MRPL23: variants seen among roughly 807,000 people sequenced by gnomAD.
The protein encoded by MRPL23 is mitochondrial ribosomal protein L23.
For missense variants in MRPL23, 25 were observed against 81.3 expected, an observed-to-expected ratio of 0.31 and a Z score of 2.66; for synonymous variants, 12 against 34.8, an observed-to-expected ratio of 0.35 and a Z score of 2.30.
chr11:1,981,790 A>G (rs2668848), intron 5 of MRPL23, among the ~76,000 whole-genome samples: 57,196 of 134,628 alleles, frequency 0.42, 16,526 homozygotes, highest in Non-Finnish European at 0.56. Flanking sequence ...CCTCTGCTCC[A>G]CTATGTTTAA....
downstream of MRPL23, among the ~76,000 whole-genome samples, chr11:1,988,992 C>T (rs564042257): frequency 1.8e-4 from 25 of 141,510 alleles, 2 homozygotes; most frequent in East Asian, 1.7e-3. Flanking sequence ...AGACAGTCCC[C>T]AGCCCCTGGC....
At chr11:1,989,116 G>A (rs765236207), downstream of MRPL23, among the ~76,000 whole-genome samples, 13 of 135,040 alleles carry the variant, frequency 9.6e-5, no homozygotes, top group Non-Finnish European at 1.4e-4. Context: ...CCAACAGGCC[G>A]GTGTGTCGTG....
In MRPL23 at chr11:1,950,695, G is replaced by T. The variant is rs217201; in HGVS notation, c.18-204G>T. 7.8e-4 allele frequency among the ~76,000 whole-genome samples: 16 copies of T among 20,450 alleles called. 1 individual carries two copies. The highest frequency in any genetic ancestry group is 8.9e-4 in the Admixed American group (1 of 1,120). The allele number at this position is 20,450 out of a possible 152,430, so 13.4% of individuals were successfully genotyped here. ...CCCTGTTTCCCGCCCACCACTGTTG[G>T]GAGTGGACACGCGGGGGTCTGCAGG... On this transcript the variant is annotated intron_variant, in intron 1 of 4. Coordinates refer to ENST00000397298, the MANE Select transcript of MRPL23 (RefSeq NM_021134.4).
At chr11:1,991,630 T>A in the MRPL23 span, among the ~76,000 whole-genome samples, 2 of 137,430 alleles carry the variant, frequency 1.5e-5, no homozygotes, top group Non-Finnish European at 3.3e-5. Context: ...GCTGGGCCAC[T>A]GGGGGAGACC....
downstream of MRPL23, among the ~76,000 whole-genome samples, chr11:1,989,221 G>C (rs59243387): frequency 1.2e-4 from 10 of 86,888 alleles, no homozygotes; most frequent in African/African-American, 2.3e-4. Flanking sequence ...TCCCAGCCCC[G>C]GGTCTCCAGC....
chr11:1,994,431 GC>G, the MRPL23 span, among the ~76,000 whole-genome samples: 2 of 93,616 alleles, frequency 2.1e-5, 1 homozygote, highest in Non-Finnish European at 5.8e-5. Context: ...CGGGGAGGGA[GC>G]CCGGGAGCCC....
rs1856780605 is a variant in MRPL23 at position 1,983,843 on chromosome 11, G to T, written c.498-595G>T. 1.4e-5 allele frequency: 2 copies of T among 140,680 alleles called. 1 individual carries two copies. 8.7% of individuals were successfully genotyped at this position (140,680 alleles called of 1,614,324 possible). Reference sequence around the variant, plus strand: ...CCCAGCTCGGCAGCCCTCTGCTGAGGCAATGTCCTCTTGGAGCAAAAAACA... The same window carrying T: ...CCCAGCTCGGCAGCCCTCTGCTGAGTCAATGTCCTCTTGGAGCAAAAAACA... On this transcript the variant is annotated intron_variant, in intron 5 of 5. Coordinates refer to the MRPL23 transcript ENST00000397297.
chr11:1,991,260 G>A, the MRPL23 span: 1 of 3,520 alleles, frequency 2.8e-4, no homozygotes, highest in African/African-American at 6.9e-4. Flanking sequence ...CGGCCTGCAG[G>A]TGGGCTTCCA....
chr11:1,963,480 GGCCCTCCAC>G (rs1283954383), downstream of MRPL23, among the ~76,000 whole-genome samples: 1 of 63,020 alleles, frequency 1.6e-5, no homozygotes, highest in African/African-American at 5.6e-5. Context: ...GCACGGCAGA[GGCCCTCCAC>G]GCAGCGTCAG....
downstream of MRPL23, among the ~76,000 whole-genome samples, chr11:1,966,794 G>T: frequency 1.2e-5 from 1 of 83,268 alleles, no homozygotes; most frequent in Admixed American, 1.6e-4. Flanking sequence ...GCTGGCCTGG[G>T]ATGGGACCTC....
chr11:1,984,269 CG>C (rs1352987628), intron 5 of MRPL23: 1 of 8,238 alleles, frequency 1.2e-4, no homozygotes, highest in African/African-American at 3.4e-4. Context: ...CCGCCTGACG[CG>C]GAAGTGGGCA....
the MRPL23 span, among the ~76,000 whole-genome samples, chr11:1,992,548 G>T: frequency 1.3e-4 from 6 of 45,746 alleles, 1 homozygote; most frequent in Admixed American, 1.3e-3. Context: ...TCCCTGAACG[G>T]TGGAAGTTCC....
intron 5 of MRPL23, chr11:1,983,596 G>A (rs1296609849): frequency 7.8e-6 from 1 of 127,866 alleles, no homozygotes; most frequent in Non-Finnish European, 1.7e-5. Context: ...GGTATCTGGG[G>A]GTGGTGAGGG....
the MRPL23 span, among the ~76,000 whole-genome samples, chr11:1,991,585 CACA>C: frequency 2.3e-5 from 3 of 130,108 alleles, no homozygotes; most frequent in African/African-American, 7.6e-5. Context: ...CACACACACA[CACA>C]CCCGTGCACA....
At chr11:1,994,301 G>T in the MRPL23 span, among the ~76,000 whole-genome samples, 1 of 98,068 alleles carries the variant, frequency 1.0e-5, no homozygotes, top group African/African-American at 2.7e-5. Context: ...CTGGCTGAGG[G>T]AGCTGCCGGC....
chr11:1,994,540 T>C, the MRPL23 span, among the ~76,000 whole-genome samples: 1 of 96,702 alleles, frequency 1.0e-5, no homozygotes, highest in African/African-American at 2.7e-5. Flanking sequence ...TTAGGACCTC[T>C]GCCCCAAGGC....
chr11:1,979,250 G>C (rs2119578787), intron 5 of MRPL23, among the ~76,000 whole-genome samples: 1 of 146,624 alleles, frequency 6.8e-6, no homozygotes, highest in Middle Eastern at 3.5e-3. Flanking sequence ...AGGCGTGGGA[G>C]AGGGCGTCAC....
chr11:1,989,021 C>T (rs2119605695), downstream of MRPL23, among the ~76,000 whole-genome samples: 1 of 140,892 alleles, frequency 7.1e-6, no homozygotes, highest in South Asian at 2.8e-4. Flanking sequence ...TCCTCCTGCT[C>T]AGGCCGACGC....
intron 1 of MRPL23, among the ~76,000 whole-genome samples, chr11:1,948,874 TC>T (rs1160714279): frequency 1.7e-4 from 1 of 5,932 alleles, no homozygotes; most frequent in Non-Finnish European, 2.4e-4. Flanking sequence ...TGCAGATTGT[TC>T]CAGATCTGCA....
Sources: allele counts gnomAD v4.1 joint callset (sites outside exome capture counted in the v4.1 genomes callset), GRCh38; gene constraint gnomAD v4.1.1; transcripts MANE v1.5; gene names NCBI Gene and HGNC (gene_info 2026-07-23, HGNC 2026-07-21).